Variants in CDH4 observed in about 807,000 individuals in gnomAD.
CDH4 encodes cadherin 4, also known as cadherin-4.
CDH4 carries 33 observed loss-of-function variants against 86.0 expected under a neutral mutation model. The ratio of observed to expected loss-of-function variants is 0.38; its 90% confidence interval spans 0.29 to 0.51. The LOEUF is 0.51. CDH4 is among the 20% of genes least tolerant of loss of function. The pLI is 0.86. For synonymous variants in CDH4, 555 were observed against 549.4 expected (o/e 1.01, Z -0.14); for missense variants, 1,114 against 1,307.4 (o/e 0.85, Z 2.28).
At chr20:61,257,982 C>T (rs970287609) in intron 2 of CDH4, among the ~76,000 whole-genome samples, 1 of 152,092 alleles carries the variant, frequency 6.6e-6, no homozygotes, top group Non-Finnish European at 1.5e-5. Context: ...GGGGATGGGG[C>T]GGAGCCTGGC....
chr20:61,422,608 G>A (rs1296594983), intron 2 of CDH4, among the ~76,000 whole-genome samples: 1 of 152,064 alleles, frequency 6.6e-6, no homozygotes, highest in Non-Finnish European at 1.5e-5. Flanking sequence ...TGGTGTACAT[G>A]AGCACAGAGT....
In CDH4 at chr20:61,417,512, G is replaced by A. The variant is rs150739334; in HGVS notation, c.169+162575G>A. ...GGTCCGGAGTTGGGAGTTGGGAATC[G>A]GGCCATCGGAACATCTCCCCTTCTG... On this transcript the variant is annotated intron_variant, in intron 2 of 15. Coordinates refer to ENST00000614565, the MANE Select transcript of CDH4 (RefSeq NM_001794.5). This position sits in a 1 kb window ranked among gnomAD's most constrained non-coding sequence, Gnocchi z 4.0. Among the ~76,000 whole-genome samples, 54 of 152,282 alleles carry A rather than the reference G, an allele frequency of 3.5e-4. No homozygotes were observed. The highest frequency in any genetic ancestry group is 6.2e-4 in the Non-Finnish European group (42 of 68,036).
intron 2 of CDH4, among the ~76,000 whole-genome samples, chr20:61,667,814 G>A (rs1046880061): frequency 2.6e-5 from 4 of 152,216 alleles, no homozygotes; most frequent in African/African-American, 9.6e-5. Flanking sequence ...CAGGAAGAGT[G>A]AATGAATGCA....
chr20:61,460,791 C>T (rs930088702), intron 2 of CDH4, among the ~76,000 whole-genome samples: 3 of 152,308 alleles, frequency 2.0e-5, no homozygotes, highest in Middle Eastern at 3.4e-3. Context: ...GCAGGCCTCT[C>T]GAGAGCTGGG....
At chr20:61,264,886 A>AC (rs2084148569) in intron 2 of CDH4, among the ~76,000 whole-genome samples, 1 of 139,654 alleles carries the variant, frequency 7.2e-6, no homozygotes, top group Non-Finnish European at 1.5e-5. Context: ...TCCTACACAT[A>AC]CCCCAGTGGC....
intron 2 of CDH4, among the ~76,000 whole-genome samples, chr20:61,651,619 G>T (rs1480892390): frequency 6.6e-6 from 1 of 152,214 alleles, no homozygotes; most frequent in Non-Finnish European, 1.5e-5. Context: ...CAGGCAGGCG[G>T]CCCCACCTCG....
chr20:61,268,218 A>T (rs1302917100), intron 2 of CDH4, among the ~76,000 whole-genome samples: 1 of 152,210 alleles, frequency 6.6e-6, no homozygotes, highest in Non-Finnish European at 1.5e-5. Context: ...ATGCCAGAGC[A>T]TCTCGGGTCC....
chr20:61,656,657 T>G (rs1325048240), intron 2 of CDH4, among the ~76,000 whole-genome samples: 1 of 152,168 alleles, frequency 6.6e-6, no homozygotes, highest in African/African-American at 2.4e-5. Flanking sequence ...GTAGATGTGC[T>G]TCCCTGTGTC....
At chr20:61,874,433 A>G (rs981706296) in intron 7 of CDH4, among the ~76,000 whole-genome samples, 3 of 151,952 alleles carry the variant, frequency 2.0e-5, no homozygotes, top group Admixed American at 2.0e-4. Flanking sequence ...ATGCGCTCCC[A>G]CCTCCTGCAC....
chr20:61,910,608 G>T lies in CDH4; in HGVS notation c.1374+1G>T. 1 of 1,611,810 alleles carries T rather than the reference G, an allele frequency of 6.2e-7. No homozygotes were observed. The highest frequency in any genetic ancestry group is 8.5e-7 in the Non-Finnish European group (1 of 1,178,452). ...CGAGGGCATGGTCACCGTGGTGAAG[G>T]TGCGTACTCTTCTCACACCCTGCCA... is the stretch of plus-strand genomic sequence containing the variant. On this transcript the variant is annotated splice_donor_variant, in intron 9 of 15. Coordinates refer to ENST00000614565, the MANE Select transcript of CDH4 (RefSeq NM_001794.5). LOFTEE classifies it high-confidence loss of function.
intron 2 of CDH4, among the ~76,000 whole-genome samples, chr20:61,279,669 A>G (rs2084248269): frequency 6.6e-6 from 1 of 152,128 alleles, no homozygotes; most frequent in Non-Finnish European, 1.5e-5. Flanking sequence ...CGCAGAGGAC[A>G]TTGTTTCCCG....
rs1195029742 is a variant in CDH4 at position 61,829,688 on chromosome 20, G to C, written c.577-14980G>C. Among the ~76,000 whole-genome samples, 2 of 152,150 alleles carry C rather than the reference G, an allele frequency of 1.3e-5. No individual in the cohort carries two copies. Among genetic ancestry groups the C allele is most frequent in the Non-Finnish European group, 2.9e-5 (2 of 68,012 alleles). Reference sequence around the variant, plus strand: ...CTGGGGACGGACTTGGACTCCAGGAGCCCCCAGGAGGCTCCCTCTGTGCCG... The same window carrying C: ...CTGGGGACGGACTTGGACTCCAGGACCCCCCAGGAGGCTCCCTCTGTGCCG... On this transcript the variant is annotated intron_variant, in intron 4 of 15. Transcript: ENST00000614565. The surrounding 1 kb of genome is among the most constrained non-coding windows in gnomAD (Gnocchi z 4.2).
At chr20:61,668,798 T>A (rs182020369) in intron 2 of CDH4, among the ~76,000 whole-genome samples, 41 of 152,258 alleles carry the variant, frequency 2.7e-4, no homozygotes, top group Admixed American at 2.1e-3. Context: ...GCTTCTTGCT[T>A]CCCACTGCTG....
At chr20:61,319,000 A>G (rs2084493318) in intron 2 of CDH4, among the ~76,000 whole-genome samples, 1 of 152,188 alleles carries the variant, frequency 6.6e-6, no homozygotes, top group Non-Finnish European at 1.5e-5. Flanking sequence ...GATGCTGCAC[A>G]CCATGCATGT....
intron 3 of CDH4, among the ~76,000 whole-genome samples, chr20:61,750,411 C>T (rs1289550752): frequency 6.6e-6 from 1 of 152,136 alleles, no homozygotes. Flanking sequence ...ATACACCTTA[C>T]CAAACTAACA....
In CDH4 at chr20:61,308,812, C is replaced by T. The variant is rs16984951; in HGVS notation, c.169+53875C>T. Among the ~76,000 whole-genome samples the T allele has an allele frequency of 4.4e-3, 669 of 152,270 alleles. 8 individuals carry two copies. Among genetic ancestry groups the T allele is most frequent in the African/African-American group, 0.015 (639 of 41,542 alleles). On this transcript the variant is annotated intron_variant, in intron 2 of 15. Transcript: ENST00000614565. ...GGAGGTTAGACTTTGCTGTCAGAAACCTGTTGCAGCTACTTCAATGCCCCT... is the reference window on the plus strand; with the variant it reads ...GGAGGTTAGACTTTGCTGTCAGAAATCTGTTGCAGCTACTTCAATGCCCCT...
At chr20:61,857,772 G>A (rs1364176672) in intron 6 of CDH4, among the ~76,000 whole-genome samples, 1 of 152,288 alleles carries the variant, frequency 6.6e-6, no homozygotes, top group Non-Finnish European at 1.5e-5. Flanking sequence ...CCTCCCCCAA[G>A]GGTGATATCT....
chr20:61,319,861 G>A (rs6101308), intron 2 of CDH4, among the ~76,000 whole-genome samples: 12,376 of 151,654 alleles, frequency 0.082, 574 homozygotes, highest in African/African-American at 0.13. Context: ...AGGTTGAGGC[G>A]GGAGAATCAC....
At position 61,640,616 on chromosome 20, in the gene CDH4, G is replaced by C. The variant is rs552948506; in HGVS notation, c.170-102947G>C. Among the ~76,000 whole-genome samples, 29 of 152,256 alleles carry C rather than the reference G, an allele frequency of 1.9e-4. No homozygotes were observed. The South Asian group carries it at 3.1e-3, about 16-fold the overall frequency. The stretch of plus-strand genomic sequence containing the variant: ...GGTTGGAGTCCGGGTCACACCCCTC[G>C]AGGAGGAGAGGAGGGATGCTTCGAG... On this transcript the variant is annotated intron_variant, in intron 2 of 15. Coordinates refer to ENST00000614565, the MANE Select transcript of CDH4 (RefSeq NM_001794.5).
Sources: gnomAD v4.1 joint callset for allele counts (sites outside exome capture counted in the v4.1 genomes callset) on GRCh38, gnomAD v4.1.1 for gene constraint, Gnocchi (gnomAD v3.1) non-coding constraint, MANE v1.5 for transcripts, NCBI Gene and HGNC (gene_info 2026-07-23, HGNC 2026-07-21) for gene names.